Variants in PVT1 observed in about 807,000 individuals in gnomAD.
PVT1 encodes the protein CXCR4/PVT1 fusion.
intron 3 of PVT1, among the ~76,000 whole-genome samples, chr8:127,984,551 CAG>C (rs1285397831): frequency 1.3e-5 from 2 of 152,228 alleles, no homozygotes; most frequent in Non-Finnish European, 2.9e-5. Flanking sequence ...GAGCACTCTG[CAG>C]ACACTGCAGT....
chr8:127,989,634 G>T (rs1352112375), intron 4 of PVT1, among the ~76,000 whole-genome samples: 1 of 152,172 alleles, frequency 6.6e-6, no homozygotes. Flanking sequence ...AGGAAAAGGT[G>T]AGGTGAGGGT....
chr8:127,817,378 T>TATATATTTAATATATATTAAATA (rs1814673106), intron 2 of PVT1, among the ~76,000 whole-genome samples: 1 of 105,134 alleles, frequency 9.5e-6, no homozygotes, highest in African/African-American at 4.2e-5. Context: ...TATTTAAATA[T>TATATATTTAATATATATTAAATA]ATATATCTAT....
At chr8:128,048,027 A>C (rs1358568995) in intron 4 of PVT1, among the ~76,000 whole-genome samples, 1 of 152,226 alleles carries the variant, frequency 6.6e-6, no homozygotes, top group Non-Finnish European at 1.5e-5. Context: ...CACTGTGTGG[A>C]GTATGCTAAC....
At chr8:128,069,576 ATT>A (rs1813956987) in intron 4 of PVT1, among the ~76,000 whole-genome samples, 1 of 152,072 alleles carries the variant, frequency 6.6e-6, no homozygotes, top group Non-Finnish European at 1.5e-5. Flanking sequence ...GTAAATCCCC[ATT>A]TTATAGAGGA....
intron 4 of PVT1, among the ~76,000 whole-genome samples, chr8:128,039,927 A>G (rs1184413981): frequency 1.3e-5 from 2 of 152,246 alleles, no homozygotes; most frequent in African/African-American, 4.8e-5. Context: ...CGTAAGAAAT[A>G]TGATCCCGAT....
chr8:127,851,345 G>T (rs1815105337), intron 2 of PVT1, among the ~76,000 whole-genome samples: 1 of 152,286 alleles, frequency 6.6e-6, no homozygotes, highest in Non-Finnish European at 1.5e-5. Flanking sequence ...CAAGGGCCAT[G>T]GAATTAGAGA....
chr8:127,912,486 A>G (rs1815910252), intron 3 of PVT1, among the ~76,000 whole-genome samples: 1 of 152,170 alleles, frequency 6.6e-6, no homozygotes, highest in African/African-American at 2.4e-5. Flanking sequence ...AGATTCTGCC[A>G]AGGTACAGCC....
At chr8:127,823,168 A>G (rs1814752083) in intron 2 of PVT1, among the ~76,000 whole-genome samples, 1 of 152,180 alleles carries the variant, frequency 6.6e-6, no homozygotes, top group African/African-American at 2.4e-5. Flanking sequence ...TCTGCATGAG[A>G]AAAGCGCTTG....
At chr8:127,906,952 T>C (rs1341559941) in intron 3 of PVT1, among the ~76,000 whole-genome samples, 1 of 144,052 alleles carries the variant, frequency 6.9e-6, no homozygotes, top group African/African-American at 2.6e-5. Context: ...TGGCACTCTC[T>C]CTTTTTTTTT....
intron 2 of PVT1, among the ~76,000 whole-genome samples, chr8:127,858,427 T>G (rs1203327181): frequency 6.6e-6 from 1 of 150,720 alleles, no homozygotes; most frequent in Non-Finnish European, 1.5e-5. Flanking sequence ...AATAAATAAA[T>G]AAATAAATAA....
At position 127,932,812 on chromosome 8, in the gene PVT1, A is replaced by C. The variant is rs1292859313; in HGVS notation, n.782+41814A>C. Reference sequence around the variant, plus strand: ...TGTACATACATACACAAACACACACACACGTACATGCATGTATATGCGTAT... The same window carrying C: ...TGTACATACATACACAAACACACACCCACGTACATGCATGTATATGCGTAT... On this transcript the variant is annotated intron_variant and non_coding_transcript_variant, in intron 3 of 10. Transcript: ENST00000651587. The C allele has an allele frequency of 1.8e-5, 5 of 276,536 alleles. No homozygotes were observed. In the East Asian group the frequency reaches 2.9e-4, roughly 16 times the overall value. 17.1% of individuals were successfully genotyped at this position (276,536 alleles called of 1,614,324 possible).
intron 3 of PVT1, among the ~76,000 whole-genome samples, chr8:127,915,006 G>A (rs372112798): frequency 1.3e-5 from 2 of 151,924 alleles, no homozygotes; most frequent in Admixed American, 6.6e-5. Context: ...TGTATTTTTG[G>A]TAGAGATGGG....
chr8:127,865,976 G>A (rs552433277), intron 2 of PVT1, among the ~76,000 whole-genome samples: 15 of 152,302 alleles, frequency 9.8e-5, no homozygotes, highest in African/African-American at 3.6e-4. Flanking sequence ...AGTAGGCAGG[G>A]TTTGCAGATC....
chr8:127,897,808 AG>A (rs1230860666), intron 3 of PVT1, among the ~76,000 whole-genome samples: 1 of 149,128 alleles, frequency 6.7e-6, no homozygotes, highest in East Asian at 2.0e-4. Context: ...GCGTGAAGAG[AG>A]AAAAGAAAAG....
intron 2 of PVT1, among the ~76,000 whole-genome samples, chr8:127,850,617 G>A (rs1815097127): frequency 6.6e-6 from 1 of 152,192 alleles, no homozygotes; most frequent in Non-Finnish European, 1.5e-5. Context: ...GTCTGCACAT[G>A]GGATTAAACA....
At chr8:127,839,053 A>G (rs1315550365) in intron 2 of PVT1, among the ~76,000 whole-genome samples, 1 of 152,018 alleles carries the variant, frequency 6.6e-6, no homozygotes, top group African/African-American at 2.4e-5. Flanking sequence ...TATAGTCCAG[A>G]TGTGTAGTGA....
At chr8:128,020,810 A>AT (rs1817424283) in intron 4 of PVT1, among the ~76,000 whole-genome samples, 1 of 152,216 alleles carries the variant, frequency 6.6e-6, no homozygotes, top group Non-Finnish European at 1.5e-5. Flanking sequence ...GTGTTTGGGA[A>AT]TGCAGGCCCC....
chr8:127,942,825 G>A (rs771615928), intron 3 of PVT1, among the ~76,000 whole-genome samples: 2 of 152,162 alleles, frequency 1.3e-5, no homozygotes, highest in African/African-American at 2.4e-5. Flanking sequence ...TACTCTTTAG[G>A]TAGTGGCTGT....
At chr8:128,034,382 G>T (rs1222794191) in intron 4 of PVT1, among the ~76,000 whole-genome samples, 1 of 152,172 alleles carries the variant, frequency 6.6e-6, no homozygotes, top group Non-Finnish European at 1.5e-5. Flanking sequence ...TTTCCCTCAA[G>T]ACTGTTCTCA....
Sources: allele counts gnomAD v4.1 joint callset (sites outside exome capture counted in the v4.1 genomes callset), GRCh38; gene constraint gnomAD v4.1.1; transcripts MANE v1.5; gene names NCBI Gene and HGNC (gene_info 2026-07-23, HGNC 2026-07-21).